The following SLC25A37 variants were observed in gnomAD, a reference collection of about 807,000 sequenced individuals.
SLC25A37 encodes the protein mitoferrin-1.
Under a neutral mutation model 31.0 loss-of-function variants are expected in SLC25A37, and 17 were observed. The observed-to-expected ratio is 0.55, with a 90% confidence interval of 0.38 to 0.82. The LOEUF (loss-of-function observed/expected upper bound fraction) is 0.82, where lower values mean the gene tolerates loss of function less well. SLC25A37 is among the 40% of genes least tolerant of loss of function. The pLI is 0.00. For missense variants in SLC25A37, 404 were observed against 465.8 expected, an observed-to-expected ratio of 0.87 and a Z score of 1.22; for synonymous variants, 222 against 193.0, an observed-to-expected ratio of 1.15 and a Z score of -1.24.
chr8:23,574,255 A>G lies in SLC25A37; in HGVS notation c.*2400A>G, dbSNP rs778089098. ...CGAGGCAGGCGGATCACTTGAGGCC[A>G]GCAGTTTGAGACCAGCCTGGCCAAC... On this transcript the variant is annotated 3_prime_UTR_variant, in exon 4 of 4. Coordinates refer to ENST00000519973, the MANE Select transcript of SLC25A37 (RefSeq NM_016612.4). 1 of 177,494 alleles carries G rather than the reference A, an allele frequency of 5.6e-6. No individual in the cohort carries two copies. The highest frequency in any genetic ancestry group is 1.2e-5 in the Non-Finnish European group (1 of 82,140). The allele number at this position is 177,494 out of a possible 1,614,324, so 11.0% of individuals were successfully genotyped here. A position where few individuals can be genotyped will look rare whatever the true frequency, so the allele number is the denominator to read the frequency against.
At chr8:23,534,071 C>G (rs536373016) in intron 1 of SLC25A37, among the ~76,000 whole-genome samples, 1 of 152,286 alleles carries the variant, frequency 6.6e-6, no homozygotes, top group South Asian at 2.1e-4. Flanking sequence ...AGCTCAGACT[C>G]CTGAGTAGCT....
chr8:23,547,534 A>C (rs563920413), intron 1 of SLC25A37, among the ~76,000 whole-genome samples: 1 of 152,324 alleles, frequency 6.6e-6, no homozygotes, highest in Admixed American at 6.5e-5. Flanking sequence ...CAGTTCTAAA[A>C]TTTCCACTCC....
intron 1 of SLC25A37, among the ~76,000 whole-genome samples, chr8:23,547,380 T>A (rs1339616689): frequency 3.3e-5 from 5 of 152,228 alleles, no homozygotes; most frequent in Non-Finnish European, 7.3e-5. Context: ...ATTTGCATTT[T>A]AGGGTGAATT....
chr8:23,570,437 C>A (rs1180333427), intron 3 of SLC25A37, among the ~76,000 whole-genome samples: 2 of 151,896 alleles, frequency 1.3e-5, no homozygotes, highest in African/African-American at 4.8e-5. Flanking sequence ...GGAGAGGAAA[C>A]CCTTCTAGGA....
chr8:23,567,295 G>C (rs1348650414), intron 2 of SLC25A37: 1 of 151,984 alleles, frequency 6.6e-6, no homozygotes, highest in Non-Finnish European at 1.5e-5. Flanking sequence ...GCAGATATTT[G>C]TTCTGCTTTG....
In SLC25A37 at chr8:23,546,557, TATATATATATATATATATATATATA is replaced by T. The variant is rs1209396257; in HGVS notation, c.210+17346_210+17370del. Reference sequence around the variant, plus strand: ...TATATATATATATATATATATAGTGTATATATATATATATATATATATATAGTGTATATATATATAGTGTATGTGT... The same window carrying T: ...TATATATATATATATATATATAGTGTGTGTATATATATATAGTGTATGTGT... On this transcript the variant is annotated intron_variant, in intron 1 of 3. Transcript: ENST00000519973. Among the ~76,000 whole-genome samples, 65 of 16,556 alleles carry T rather than the reference TATATATATATATATATATATATATA, an allele frequency of 3.9e-3. 3 individuals are homozygous for T. The highest frequency in any genetic ancestry group is 0.013 in the African/African-American group (56 of 4,196). The allele number at this position is 16,556 out of a possible 152,430, so 10.9% of individuals were successfully genotyped here.
intron 1 of SLC25A37, chr8:23,541,553 G>A (rs1801894616): frequency 6.6e-6 from 1 of 152,308 alleles, no homozygotes; most frequent in African/African-American, 2.4e-5. Context: ...GGTTTTGCGG[G>A]CGCCTTGCAT....
Position 23,571,622 on chromosome 8 carries a change from C to G in SLC25A37, c.784C>G (p.Leu262Val). The change falls in exon 4 of 4, where the codon CTG becomes GTG. Residue 262 changes from leucine (L) to valine (V), a missense_variant. Leu to Val is a conservative substitution (Grantham distance 32). Coordinates refer to ENST00000519973, the MANE Select transcript of SLC25A37 (RefSeq NM_016612.4). The part of the protein sequence containing the change: ...TTPLDVCKTL[L>V]NTQENVALSL... ...CCCCCTGGACGTCTGTAAGACCCTT[C>G]TGAACACTCAGGAGAACGTGGCCCT... is the stretch of plus-strand genomic sequence containing the variant. 6.2e-7 allele frequency: 1 copy of G among 1,613,946 alleles called. No individual in the cohort carries two copies. The highest frequency in any genetic ancestry group is 8.5e-7 in the Non-Finnish European group (1 of 1,179,872).
At chr8:23,552,778 C>T (rs530923244) in intron 1 of SLC25A37, among the ~76,000 whole-genome samples, 8 of 152,236 alleles carry the variant, frequency 5.3e-5, no homozygotes, top group African/African-American at 1.7e-4. Flanking sequence ...GCAAGTTGGT[C>T]AGAGGGGCGA....
intron 1 of SLC25A37, among the ~76,000 whole-genome samples, chr8:23,560,405 C>T (rs1567667): frequency 0.17 from 25,314 of 152,226 alleles, 2,204 homozygotes; most frequent in Admixed American, 0.21. Flanking sequence ...GTTGATCCCT[C>T]CTTGCCTCTT....
intron 1 of SLC25A37, among the ~76,000 whole-genome samples, chr8:23,546,385 C>G (rs2117407113): frequency 6.6e-6 from 1 of 151,578 alleles, no homozygotes; most frequent in Admixed American, 6.6e-5. Flanking sequence ...TTAGAAACCT[C>G]AAGTGTACAT....
At chr8:23,571,266 G>C in intron 3 of SLC25A37, 69 bp from the exon 4 acceptor site, 2 of 1,456,690 alleles carry the variant, frequency 1.4e-6, no homozygotes, top group Non-Finnish European at 1.8e-6. Context: ...TTCCGACCTG[G>C]GGTGGGGCCA....
At chr8:23,545,259 C>T (rs1488537235) in intron 1 of SLC25A37, among the ~76,000 whole-genome samples, 1 of 152,202 alleles carries the variant, frequency 6.6e-6, no homozygotes, top group East Asian at 1.9e-4. Flanking sequence ...ATTCGTGTGT[C>T]ACTTCTTGTC....
rs3736032 is a variant in SLC25A37, at chr8:23,566,184, G to A, written c.287G>A (p.Arg96Gln). Residue 96 changes from arginine to glutamine, a missense_variant, in exon 2 of 4, where the codon CGG becomes CAG. Physicochemically the swap from Arg to Gln is conservative, Grantham distance 43. Around this residue, in one of 3 missense-constraint regions of SLC25A37, gnomAD observed 154 missense variants for 153.6 expected, o/e 1.00. Coordinates refer to ENST00000519973, the MANE Select transcript of SLC25A37 (RefSeq NM_016612.4). The part of the protein sequence containing the change: ...SIYGALKKIM[R>Q]TEGFWRPLRG... The stretch of plus-strand genomic sequence containing the variant: ...TACGGAGCCCTCAAGAAAATCATGC[G>A]GACCGAAGGCTTCTGGAGGCCCTTG... 0.082 allele frequency: 131,605 copies of A among 1,605,314 alleles called. 6,617 individuals carry two copies. Among genetic ancestry groups the A allele is most frequent in the African/African-American group, 0.21 (15,663 of 74,480 alleles).
In SLC25A37 at chr8:23,574,795, G is replaced by A. The variant is rs1334519496; in HGVS notation, c.*2940G>A. 6.4e-6 allele frequency: 1 copy of A among 155,318 alleles called. No individual in the cohort carries two copies. Among genetic ancestry groups the A allele is most frequent in the African/African-American group, 2.4e-5 (1 of 41,512 alleles). 9.6% of individuals were successfully genotyped at this position (155,318 alleles called of 1,614,324 possible). A position where few individuals can be genotyped will look rare whatever the true frequency, so the allele number is the denominator to read the frequency against. ...CCCCACCCCACTATCCCACCCTGGT[G>A]ACCAATTCAGTGTAACCTTTGCACG... On this transcript the variant is annotated 3_prime_UTR_variant, in exon 4 of 4. Transcript: ENST00000519973.
intron 1 of SLC25A37, among the ~76,000 whole-genome samples, chr8:23,561,237 AC>A (rs922248295): frequency 5.8e-4 from 76 of 130,906 alleles, no homozygotes; most frequent in Non-Finnish European, 9.9e-4. Flanking sequence ...TACCCAGTTG[AC>A]CTTTTTTTTT....
At chr8:23,545,815 G>A (rs1264583360) in intron 1 of SLC25A37, among the ~76,000 whole-genome samples, 1 of 151,968 alleles carries the variant, frequency 6.6e-6, no homozygotes, top group Admixed American at 6.6e-5. Context: ...CCTTGGCAAC[G>A]GAGCAAGACC....
intron 1 of SLC25A37, among the ~76,000 whole-genome samples, chr8:23,537,364 A>G (rs1254313638): frequency 1.3e-5 from 2 of 151,992 alleles, no homozygotes; most frequent in Admixed American, 1.3e-4. Flanking sequence ...TGTATTGTTT[A>G]TGGTCTCTCT....
intron 1 of SLC25A37, among the ~76,000 whole-genome samples, chr8:23,553,719 G>A (rs1487241595): frequency 1.3e-5 from 2 of 152,232 alleles, no homozygotes; most frequent in African/African-American, 4.8e-5. Flanking sequence ...TTCTTTAGGA[G>A]ACAGAATGGG....
Sources: allele counts gnomAD v4.1 joint callset (sites outside exome capture counted in the v4.1 genomes callset), GRCh38; gene constraint gnomAD v4.1.1; regional missense constraint gnomAD v4.1.1; transcripts MANE v1.5; gene names NCBI Gene and HGNC (gene_info 2026-07-23, HGNC 2026-07-21).